The following GLI2 variants were observed in gnomAD, a reference collection of about 807,000 sequenced individuals.
GLI2 encodes the protein transcription activator GLI2.
Under a neutral mutation model 78.9 loss-of-function variants are expected in GLI2, and 22 were observed. The ratio of observed to expected loss-of-function variants is 0.28; its 90% CI spans 0.20 to 0.40. The LOEUF (loss-of-function observed/expected upper bound fraction) is 0.40. GLI2 is among the 10% of genes least tolerant of loss of function. The pLI, the probability that GLI2 is intolerant of heterozygous loss-of-function variation, is 1.00. For synonymous variants in GLI2, 974 were observed against 963.7 expected (o/e 1.01, Z -0.20); for missense variants, 2,097 against 2,213.2 (o/e 0.95, Z 1.05).
chr2:120,885,707 G>T (rs1365763801), intron 2 of GLI2, among the ~76,000 whole-genome samples: 1 of 152,190 alleles, frequency 6.6e-6, no homozygotes, highest in Non-Finnish European at 1.5e-5. Context: ...CCACGGGGAG[G>T]ATTAAAAATA....
rs1683208407 is a variant in GLI2 at position 120,989,976 on chromosome 2, C to T, written c.4011C>T (p.Pro1337=). ...CCCGCCAGCCTGGCTTCATGGAGCC[C>T]CAAACAGGCCCGATGGGGGTGGCTA... ...LPARQPGFME[P]QTGPMGVATA... The change falls in exon 14 of 14, where the codon CCC becomes CCT. Residue 1337 remains proline, a synonymous_variant. Coordinates refer to ENST00000361492, the MANE Select transcript of GLI2 (RefSeq NM_001374353.1). 1 of 1,610,436 alleles carries T rather than the reference C, an allele frequency of 6.2e-7. No individual in the cohort carries two copies. The highest frequency in any genetic ancestry group is 1.1e-5 in the South Asian group (1 of 90,696).
chr2:120,762,256 A>G (rs1250165511), intron 1 of GLI2, among the ~76,000 whole-genome samples: 1 of 152,188 alleles, frequency 6.6e-6, no homozygotes. Context: ...GCAAGGGGTC[A>G]GAGCTTGCTA....
chr2:120,927,928 G>A (rs1558889381), intron 3 of GLI2, among the ~76,000 whole-genome samples: 1 of 152,092 alleles, frequency 6.6e-6, no homozygotes, highest in Non-Finnish European at 1.5e-5. Context: ...GTGATGCTTT[G>A]GGGCCCTTCC....
intron 2 of GLI2, among the ~76,000 whole-genome samples, chr2:120,920,613 G>A (rs944391777): frequency 3.9e-5 from 6 of 152,280 alleles, no homozygotes; most frequent in East Asian, 1.9e-4. Flanking sequence ...AAACTGCAGC[G>A]TAGAAAAGTT....
rs1684824343 is a variant in GLI2 at position 120,804,024 on chromosome 2, A to G, written c.148+6556A>G. 2.0e-5 allele frequency among the ~76,000 whole-genome samples: 3 copies of G among 152,262 alleles called. No individual in the cohort carries two copies. In the South Asian group the frequency reaches 6.2e-4, roughly 32 times the overall value. ...CAGGAGGCGTGTGTGCTACCTACTC[A>G]TACTGACAGCCCTCCTATCTTCTTC... On this transcript the variant is annotated intron_variant, in intron 2 of 13. Coordinates refer to ENST00000361492, the MANE Select transcript of GLI2 (RefSeq NM_001374353.1).
intron 2 of GLI2, among the ~76,000 whole-genome samples, chr2:120,848,696 CAAG>C (rs1159426938): frequency 6.6e-6 from 1 of 152,170 alleles, no homozygotes; most frequent in Non-Finnish European, 1.5e-5. Context: ...AGTCCTCTGT[CAAG>C]AAGGCCACCC....
At chr2:120,869,876 C>A (rs1291948051) in intron 2 of GLI2, among the ~76,000 whole-genome samples, 3 of 151,946 alleles carry the variant, frequency 2.0e-5, no homozygotes. Context: ...TGCAGGGGGA[C>A]CTTCAGTCCA....
chr2:120,849,848 C>T (rs1476561551), intron 2 of GLI2, among the ~76,000 whole-genome samples: 1 of 152,152 alleles, frequency 6.6e-6, no homozygotes, highest in African/African-American at 2.4e-5. Context: ...TTGGTATCCT[C>T]AGAAAGGCCC....
chr2:120,961,385 AG>A (rs1681549727), intron 5 of GLI2, among the ~76,000 whole-genome samples: 1 of 152,180 alleles, frequency 6.6e-6, no homozygotes, highest in African/African-American at 2.4e-5. Flanking sequence ...AGGGGAACCG[AG>A]GCAAAGGAAG....
intron 2 of GLI2, among the ~76,000 whole-genome samples, chr2:120,850,212 GA>G (rs1455125894): frequency 6.6e-6 from 1 of 151,564 alleles, no homozygotes; most frequent in African/African-American, 2.4e-5. Flanking sequence ...CACTTTAAAA[GA>G]AAAAAAATAA....
At chr2:120,947,048 T>C (rs1261383116) in intron 3 of GLI2, among the ~76,000 whole-genome samples, 1 of 152,176 alleles carries the variant, frequency 6.6e-6, no homozygotes, top group Non-Finnish European at 1.5e-5. Context: ...TGGGATTGTA[T>C]GTGATGACCT....
intron 1 of GLI2, among the ~76,000 whole-genome samples, chr2:120,786,361 T>A (rs1221463248): frequency 6.6e-6 from 1 of 151,922 alleles, no homozygotes; most frequent in Admixed American, 6.6e-5. Flanking sequence ...TCTGCAGACA[T>A]CTCCCACCAC....
At chr2:120,983,947 GTGT>G (rs1236581532) in intron 11 of GLI2, among the ~76,000 whole-genome samples, 1 of 23,974 alleles carries the variant, frequency 4.2e-5, no homozygotes. Context: ...GGTGTGTGGG[GTGT>G]GTGTGTGTGT....
chr2:120,751,359 T>C (rs189131209), intron 1 of GLI2, among the ~76,000 whole-genome samples: 6 of 152,354 alleles, frequency 3.9e-5, no homozygotes, highest in Non-Finnish European at 5.9e-5. Context: ...CCCCAAACTT[T>C]ACAGATTTTA....
At chr2:120,760,298 G>T (rs1683175044) in intron 1 of GLI2, among the ~76,000 whole-genome samples, 1 of 152,184 alleles carries the variant, frequency 6.6e-6, no homozygotes, top group Admixed American at 6.5e-5. Context: ...AGGGATGCCA[G>T]GCCAGTGGAG....
At chr2:120,978,340 G>C in intron 9 of GLI2, 94 bp from the exon 10 acceptor site, 2 of 1,400,934 alleles carry the variant, frequency 1.4e-6, no homozygotes, top group East Asian at 2.3e-5. Context: ...GGGAGGGCTG[G>C]GGGGGTGCCG....
At chr2:120,824,493 G>T (rs977162852) in intron 2 of GLI2, among the ~76,000 whole-genome samples, 1 of 152,332 alleles carries the variant, frequency 6.6e-6, no homozygotes, top group South Asian at 2.1e-4. Context: ...GTTCACGAGC[G>T]CTGGGGCTCA....
At chr2:120,943,539 C>A (rs963010087) in intron 3 of GLI2, among the ~76,000 whole-genome samples, 1 of 152,212 alleles carries the variant, frequency 6.6e-6, no homozygotes, top group African/African-American at 2.4e-5. Flanking sequence ...TCATCAGCAA[C>A]AGCTGTTGGA....
chr2:120,897,750 G>T (rs1158516079), intron 2 of GLI2, among the ~76,000 whole-genome samples: 1 of 152,166 alleles, frequency 6.6e-6, no homozygotes, highest in African/African-American at 2.4e-5. Flanking sequence ...TAGAGACTCA[G>T]TTTCCCTTTC....
Sources: allele counts gnomAD v4.1 joint callset (sites outside exome capture counted in the v4.1 genomes callset), GRCh38; gene constraint gnomAD v4.1.1; transcripts MANE v1.5; gene names NCBI Gene and HGNC (gene_info 2026-07-23, HGNC 2026-07-21).